The following MPHOSPH8 variants were observed in gnomAD, a reference collection of about 807,000 sequenced individuals.
MPHOSPH8 encodes the protein M-phase phosphoprotein, mpp.
MPHOSPH8 carries 45 observed loss-of-function variants against 87.3 expected under a neutral mutation model. The observed-to-expected ratio is 0.52, with a 90% CI of 0.41 to 0.66. The LOEUF (loss-of-function observed/expected upper bound fraction) is 0.66, where lower values mean the gene tolerates loss of function less well. Among genes scored for constraint, MPHOSPH8 ranks in the 30% least tolerant of loss-of-function variants. The pLI is 0.00. For synonymous variants in MPHOSPH8, 366 were observed against 376.9 expected, an observed-to-expected ratio of 0.97 and a Z score of 0.33; for missense variants, 883 against 1,020.2, an observed-to-expected ratio of 0.87 and a Z score of 1.83.
At chr13:19,648,677 ACT>A (rs1364345517) in intron 4 of MPHOSPH8, among the ~76,000 whole-genome samples, 156 bp downstream of exon 4, 2 of 151,970 alleles carry the variant, frequency 1.3e-5, no homozygotes, top group African/African-American at 4.8e-5. Context: ...GATTAGAATT[ACT>A]GAGACTGGAA....
At position 19,646,866 on chromosome 13, in the gene MPHOSPH8, G is replaced by C. The variant is rs1489886889; in HGVS notation, c.793G>C (p.Glu265Gln). ...EKFVESQVES[E>Q]SSVLNDSPFP... ...ATTTGTCGAATCCCAGGTGGAATCT[G>C]AATCAAGTGTACTTAATGATTCTCC... Residue 265 changes from glutamate to glutamine, a missense_variant, in exon 3 of 14, where the codon GAA (glutamate) becomes CAA (glutamine). Glu to Gln is a conservative substitution (Grantham distance 29). Around this residue, in one of 3 missense-constraint regions of MPHOSPH8, gnomAD observed 741 missense variants for 841.5 expected, o/e 0.88. Coordinates refer to ENST00000361479, the MANE Select transcript of MPHOSPH8 (RefSeq NM_017520.4). The C allele has an allele frequency of 1.0e-5, 16 of 1,606,498 alleles. No homozygotes were observed. The highest frequency in any genetic ancestry group is 1.3e-5 in the Non-Finnish European group (15 of 1,178,440).
chr13:19,668,506 C>T lies in MPHOSPH8; in HGVS notation c.2304C>T (p.Tyr768=), dbSNP rs1875942022. The change falls in exon 11 of 14, where the codon TAC becomes TAT. Residue 768 remains tyrosine, a synonymous_variant. Coordinates refer to ENST00000361479, the MANE Select transcript of MPHOSPH8 (RefSeq NM_017520.4). ...EGPDFSTDFN[Y]KPPQNIPEGS... ...CAGATTTTTCAACAGATTTCAATTA[C>T]AAACCCCCACAGAACATACCAGAAG... 1 of 1,614,090 alleles carries T rather than the reference C, an allele frequency of 6.2e-7. No individual in the cohort carries two copies. Among genetic ancestry groups the T allele is most frequent in the Non-Finnish European group, 8.5e-7 (1 of 1,179,982 alleles).
intron 7 of MPHOSPH8, chr13:19,660,794 A>T: frequency 6.8e-6 from 2 of 296,134 alleles, no homozygotes; most frequent in Non-Finnish European, 1.0e-5. Flanking sequence ...TGTACACATA[A>T]GTGTGTGTAA....
chr13:19,644,881 A>G (rs1041192107), intron 2 of MPHOSPH8, among the ~76,000 whole-genome samples: 3 of 151,898 alleles, frequency 2.0e-5, no homozygotes, highest in African/African-American at 7.3e-5. Flanking sequence ...TGATGCTCCA[A>G]AGTTTTTGTT....
rs1022044104 is a variant in MPHOSPH8 at position 19,633,979 on chromosome 13, G to A, written c.213+18G>A. The stretch of plus-strand genomic sequence containing the variant: ...CCGAGGGGGTATGTGGAGGGGCCCC[G>A]GCGCGGGGCTGGGCGGGGAGCTCCG... On this transcript the variant is annotated intron_variant, in intron 1 of 13. Coordinates refer to ENST00000361479, the MANE Select transcript of MPHOSPH8 (RefSeq NM_017520.4). 4 of 1,597,130 alleles carry A rather than the reference G, an allele frequency of 2.5e-6. No individual in the cohort carries two copies. The highest frequency in any genetic ancestry group is 3.4e-6 in the Non-Finnish European group (4 of 1,172,796).
At chr13:19,642,300 A>G in intron 2 of MPHOSPH8, 30 bp downstream of exon 2, 1 of 1,509,664 alleles carries the variant, frequency 6.6e-7, no homozygotes, top group South Asian at 1.3e-5. Context: ...ATTTGTTTTT[A>G]CATACATAAA....
chr13:19,652,199 A>C (rs1874888987), intron 5 of MPHOSPH8, among the ~76,000 whole-genome samples: 1 of 152,234 alleles, frequency 6.6e-6, no homozygotes, highest in African/African-American at 2.4e-5. Flanking sequence ...CACAGAAAGC[A>C]GGTGATTTCT....
chr13:19,649,370 G>C (rs903810507), intron 4 of MPHOSPH8, among the ~76,000 whole-genome samples: 1 of 152,018 alleles, frequency 6.6e-6, no homozygotes, highest in African/African-American at 2.4e-5. Context: ...CCATTCATAA[G>C]GGTACTCACT....
chr13:19,663,835 A>G (rs565691767), intron 9 of MPHOSPH8, among the ~76,000 whole-genome samples: 39 of 152,078 alleles, frequency 2.6e-4, no homozygotes, highest in African/African-American at 9.4e-4. Flanking sequence ...TAAGCCATTG[A>G]GCCAAGCGGG....
chr13:19,661,930 C>T (rs1875553458), intron 8 of MPHOSPH8, 92 bp downstream of exon 8: 2 of 1,338,482 alleles, frequency 1.5e-6, no homozygotes, highest in South Asian at 3.2e-5. Context: ...ATATAGCAGT[C>T]ACATGGTCAC....
chr13:19,663,311 T>C (rs1192278968), intron 9 of MPHOSPH8, among the ~76,000 whole-genome samples, 185 bp downstream of exon 9: 2 of 152,124 alleles, frequency 1.3e-5, no homozygotes, highest in Non-Finnish European at 2.9e-5. Context: ...GAGCTCAGTA[T>C]GGGCAGTGGT....
intron 1 of MPHOSPH8, among the ~76,000 whole-genome samples, chr13:19,634,820 T>A (rs976750262): frequency 1.3e-5 from 2 of 152,202 alleles, no homozygotes; most frequent in African/African-American, 4.8e-5. Context: ...TTTCAGTAGA[T>A]GGATGTGAGG....
rs574017561 is a variant in MPHOSPH8 at position 19,646,072 on chromosome 13, A to G, written c.370-371A>G. Among the ~76,000 whole-genome samples the G allele has an allele frequency of 5.3e-5, 8 of 152,208 alleles. No homozygotes were observed. The South Asian group carries it at 1.7e-3, about 32-fold the overall frequency. Reference sequence around the variant, plus strand: ...GAAAACGTTTTGTATTTGCATTGGTAACTACTTTGTTGGCAGCCAAGAAAG... The same window carrying G: ...GAAAACGTTTTGTATTTGCATTGGTGACTACTTTGTTGGCAGCCAAGAAAG... On this transcript the variant is annotated intron_variant, in intron 2 of 13. Coordinates refer to ENST00000361479, the MANE Select transcript of MPHOSPH8 (RefSeq NM_017520.4).
chr13:19,662,060 G>T (rs1875566589), intron 8 of MPHOSPH8, among the ~76,000 whole-genome samples: 1 of 151,384 alleles, frequency 6.6e-6, no homozygotes, highest in African/African-American at 2.4e-5. Context: ...TCAGCCTCCT[G>T]AGTAGCTGGG....
chr13:19,647,088 G>A lies in MPHOSPH8; in HGVS notation c.1015G>A (p.Glu339Lys). Residue 339 changes from glutamate (E) to lysine (K), a missense_variant, in exon 3 of 14, where the codon GAG becomes AAG. Glu to Lys is a moderately conservative substitution (Grantham distance 56). Transcript: ENST00000361479. ...RRKKKTPRKAEDTRENRKLEN... is the reference protein window; with the variant it reads ...RRKKKTPRKAKDTRENRKLEN... Reference sequence around the variant, plus strand: ...GAAAAAGAAGACCCCGAGAAAGGCTGAGGACACTAGAGAGAACAGGAAGCT... The same window carrying A: ...GAAAAAGAAGACCCCGAGAAAGGCTAAGGACACTAGAGAGAACAGGAAGCT... 6.2e-7 allele frequency: 1 copy of A among 1,610,740 alleles called. No individual in the cohort carries two copies.
chr13:19,650,292 A>T (rs754565624), intron 5 of MPHOSPH8, 32 bp downstream of exon 5: 1 of 1,603,952 alleles, frequency 6.2e-7, no homozygotes, highest in South Asian at 1.1e-5. Context: ...AGAATTTTTC[A>T]AGGTAGTGCA....
At chr13:19,670,968 C>T (rs758766205) in intron 12 of MPHOSPH8, 157 of 1,064,016 alleles carry the variant, frequency 1.5e-4, no homozygotes, top group Non-Finnish European at 1.9e-4. Flanking sequence ...TAAAAATGCA[C>T]GCCACCACAT....
In MPHOSPH8 at chr13:19,671,220, T is replaced by A. The variant is rs759366173; in HGVS notation, c.2472T>A (p.Val824=). ...QLPVFLDSHF[V]YSFSPVAGPN... is the part of the protein sequence containing the mutation. ...TTCCATTGTAGGACAGTCATTTTGT[T>A]TACTCATTCAGCCCTGTTGCAGGTC... The change falls in exon 13 of 14, where the codon GTT becomes GTA. Residue 824 remains valine, a synonymous_variant. Transcript: ENST00000361479. 241 of 1,613,948 alleles carry A rather than the reference T, an allele frequency of 1.5e-4. No homozygotes were observed. Among genetic ancestry groups the A allele is most frequent in the Non-Finnish European group, 2.0e-4 (237 of 1,180,022 alleles).
Position 19,650,122 on chromosome 13 carries a change from G to T in MPHOSPH8, c.1438G>T (p.Asp480Tyr). Reference protein sequence around the residue: ...EIPLDFKTIDDHKTKENKQSL... With the variant: ...EIPLDFKTIDYHKTKENKQSL... ...ACCACTGGATTTTAAAACCATAGAC[G>T]ATCACAAAACCAAGGAAAACAAACA... Residue 480 changes from aspartate to tyrosine, a missense_variant, in exon 5 of 14, where the codon GAT becomes TAT. Transcript: ENST00000361479. 6.2e-7 allele frequency: 1 copy of T among 1,613,974 alleles called. No homozygotes were observed. The highest frequency in any genetic ancestry group is 8.5e-7 in the Non-Finnish European group (1 of 1,179,958).
Sources: allele counts gnomAD v4.1 joint callset (sites outside exome capture counted in the v4.1 genomes callset), GRCh38; gene constraint gnomAD v4.1.1; regional missense constraint gnomAD v4.1.1; transcripts MANE v1.5; gene names NCBI Gene and HGNC (gene_info 2026-07-23, HGNC 2026-07-21).